Variants in ARHGAP42 observed in about 807,000 individuals in gnomAD.
ARHGAP42 encodes rho GTPase-activating protein 42.
A neutral mutation model predicts 125.0 loss-of-function variants in ARHGAP42; 63 were observed. The observed-to-expected ratio is 0.50, with a 90% CI of 0.41 to 0.62. The LOEUF is 0.62. Among genes scored for constraint, ARHGAP42 ranks in the 20% least tolerant of loss-of-function variants. ARHGAP42 has a pLI of 0.00. For synonymous variants in ARHGAP42, 339 were observed against 351.0 expected (o/e 0.97, Z 0.38); for missense variants, 766 against 1,024.2 (o/e 0.75, Z 3.44).
At chr11:100,812,779 G>A (rs1186942722) in intron 3 of ARHGAP42, among the ~76,000 whole-genome samples, 7 of 152,180 alleles carry the variant, frequency 4.6e-5, no homozygotes, top group Non-Finnish European at 8.8e-5. Context: ...TGGGAAAGTG[G>A]GAAGAGATAA....
intron 6 of ARHGAP42, 116 bp downstream of exon 6, chr11:100,921,720 AG>A (rs1194239934): frequency 6.0e-6 from 4 of 666,478 alleles, no homozygotes; most frequent in African/African-American, 5.6e-5. Flanking sequence ...TAAAAATAAA[AG>A]GGGAGTGGGA....
At chr11:100,722,608 C>T (rs910910634) in intron 1 of ARHGAP42, among the ~76,000 whole-genome samples, 3 of 152,044 alleles carry the variant, frequency 2.0e-5, no homozygotes, top group South Asian at 2.1e-4. Context: ...AGGCTAGTCT[C>T]GAACTCCTGA....
chr11:100,782,318 A>G (rs1863334847), intron 2 of ARHGAP42, among the ~76,000 whole-genome samples: 1 of 152,256 alleles, frequency 6.6e-6, no homozygotes. Flanking sequence ...GATTACATGC[A>G]TCACAAAATC....
At chr11:100,880,118 C>T (rs548260456) in intron 4 of ARHGAP42, among the ~76,000 whole-genome samples, 1 of 152,150 alleles carries the variant, frequency 6.6e-6, no homozygotes, top group East Asian at 1.9e-4. Context: ...TTTTTATTTC[C>T]ATAGGTTATT....
At chr11:100,775,347 A>G (rs563697535) in intron 2 of ARHGAP42, among the ~76,000 whole-genome samples, 54 of 152,180 alleles carry the variant, frequency 3.5e-4, no homozygotes, top group African/African-American at 1.2e-3. Context: ...GATAGATTCA[A>G]GCTTCCTCTC....
At chr11:100,912,090 A>G (rs1020683127) in intron 4 of ARHGAP42, among the ~76,000 whole-genome samples, 4 of 152,194 alleles carry the variant, frequency 2.6e-5, no homozygotes, top group African/African-American at 7.2e-5. Flanking sequence ...TCTTGGAAGT[A>G]TAACTGAGAA....
intron 3 of ARHGAP42, among the ~76,000 whole-genome samples, chr11:100,819,508 G>A (rs1342103590): frequency 3.3e-5 from 5 of 152,114 alleles, no homozygotes; most frequent in Non-Finnish European, 2.9e-5. Context: ...AATTTGCTGA[G>A]TTTAGCTTGC....
chr11:100,862,850 A>G (rs1366496352), intron 4 of ARHGAP42, among the ~76,000 whole-genome samples: 1 of 151,924 alleles, frequency 6.6e-6, no homozygotes, highest in Non-Finnish European at 1.5e-5. Context: ...TCTGACCAAC[A>G]TGGAGAAACC....
At position 100,814,345 on chromosome 11, in the gene ARHGAP42, G is replaced by A. The variant is rs140550282; in HGVS notation, c.312+19179G>A. On this transcript the variant is annotated intron_variant, in intron 3 of 23. Coordinates refer to ENST00000298815, the MANE Select transcript of ARHGAP42 (RefSeq NM_152432.4). ...ACCACTGCACTCCAACCTGGCGACAGAGCAAGACTCCGTCTCAAAAAAAAA... is the reference window on the plus strand; with the variant it reads ...ACCACTGCACTCCAACCTGGCGACAAAGCAAGACTCCGTCTCAAAAAAAAA... Among the ~76,000 whole-genome samples the A allele has an allele frequency of 2.9e-3, 391 of 134,814 alleles. 4 individuals are homozygous for A. Among genetic ancestry groups the A allele is most frequent in the Middle Eastern group, 0.013 (3 of 230 alleles). The allele number at this position is 134,814 out of a possible 152,430, so 88.4% of individuals were successfully genotyped here. A position where few individuals can be genotyped will look rare whatever the true frequency, so the allele number is the denominator to read the frequency against.
chr11:100,892,639 A>T (rs971692400), intron 4 of ARHGAP42, among the ~76,000 whole-genome samples: 1 of 152,186 alleles, frequency 6.6e-6, no homozygotes, highest in Non-Finnish European at 1.5e-5. Flanking sequence ...GACATTATAG[A>T]TGCTTCTAGA....
At chr11:100,878,000 G>T in intron 4 of ARHGAP42, among the ~76,000 whole-genome samples, 1 of 116,080 alleles carries the variant, frequency 8.6e-6, no homozygotes, top group African/African-American at 3.5e-5. Flanking sequence ...GCGAGACTCT[G>T]TCCCAGAAAA....
chr11:100,793,531 CA>C (rs1863624645), intron 2 of ARHGAP42, among the ~76,000 whole-genome samples: 1 of 152,158 alleles, frequency 6.6e-6, no homozygotes, highest in South Asian at 2.1e-4. Context: ...TAATATTTCA[CA>C]CCAGTTTGGC....
chr11:100,949,459 C>T (rs1323825661), intron 11 of ARHGAP42, among the ~76,000 whole-genome samples: 1 of 152,056 alleles, frequency 6.6e-6, no homozygotes, highest in African/African-American at 2.4e-5. Context: ...AGAAAATTCA[C>T]TCTTTACCAG....
rs148183997 is a variant in ARHGAP42, at chr11:100,923,708, G to T, written c.597+2104G>T. ...GCTATGATGTCCTGTTAAGTCTTCT[G>T]TCATGCATGCCTTTCTTATGACACC... On this transcript the variant is annotated intron_variant, in intron 6 of 23. Coordinates refer to ENST00000298815, the MANE Select transcript of ARHGAP42 (RefSeq NM_152432.4). 8.2e-3 allele frequency among the ~76,000 whole-genome samples: 1,245 copies of T among 152,196 alleles called. 8 individuals are homozygous for T. The highest frequency in any genetic ancestry group is 0.013 in the Non-Finnish European group (881 of 68,010).
chr11:100,894,342 T>A (rs80039566), intron 4 of ARHGAP42, among the ~76,000 whole-genome samples: 6,861 of 152,268 alleles, frequency 0.045, 222 homozygotes, highest in East Asian at 0.099. Context: ...ACTTACAGAC[T>A]GCATTTTTCT....
At chr11:100,849,812 T>A (rs990933254) in intron 3 of ARHGAP42, among the ~76,000 whole-genome samples, 1 of 152,190 alleles carries the variant, frequency 6.6e-6, no homozygotes, top group African/African-American at 2.4e-5. Flanking sequence ...CCAATTACCA[T>A]GTTTCCTGTG....
At chr11:100,904,127 C>T (rs182331615) in intron 4 of ARHGAP42, among the ~76,000 whole-genome samples, 28 of 152,210 alleles carry the variant, frequency 1.8e-4, no homozygotes, top group African/African-American at 6.3e-4. Context: ...CAAGTTGACT[C>T]TCAGTATTAA....
intron 4 of ARHGAP42, among the ~76,000 whole-genome samples, chr11:100,909,335 T>G (rs1015479871): frequency 1.1e-4 from 10 of 91,458 alleles, no homozygotes; most frequent in Admixed American, 3.2e-4. Flanking sequence ...CTCTAGGACT[T>G]TTCTTGTTTT....
chr11:100,987,824 A>AATAAATAC (rs1347865492), intron 23 of ARHGAP42, among the ~76,000 whole-genome samples: 4 of 151,246 alleles, frequency 2.6e-5, no homozygotes. Flanking sequence ...TAAATAAATA[A>AATAAATAC]ATAAATAAAT....
Sources: allele counts gnomAD v4.1 joint callset (sites outside exome capture counted in the v4.1 genomes callset), GRCh38; gene constraint gnomAD v4.1.1; transcripts MANE v1.5; gene names NCBI Gene and HGNC (gene_info 2026-07-23, HGNC 2026-07-21).